The following PIEZO2 variants were observed in gnomAD, a reference collection of about 807,000 sequenced individuals.
PIEZO2 encodes the protein piezo type mechanosensitive ion channel component 2.
PIEZO2 carries 172 observed loss-of-function variants against 337.3 expected under a neutral mutation model. That is an observed-to-expected ratio of 0.51 (90% CI 0.45 to 0.58). The LOEUF is 0.58. Among genes scored for constraint, PIEZO2 ranks in the 20% least tolerant of loss-of-function variants. PIEZO2 has a pLI of 0.00. For missense variants in PIEZO2, 3,028 were observed against 3,391.3 expected (o/e 0.89, Z 2.66); for synonymous variants, 1,251 against 1,228.5 (o/e 1.02, Z -0.38).
intron 2 of PIEZO2, among the ~76,000 whole-genome samples, chr18:10,997,952 A>T (rs1231510363): frequency 1.3e-5 from 2 of 152,154 alleles, no homozygotes; most frequent in Non-Finnish European, 2.9e-5. Flanking sequence ...GCTCAAAGAA[A>T]CCACTCCCAG....
In PIEZO2 at chr18:10,707,297, T is replaced by C. The variant is rs1369203218; in HGVS notation, c.5588+978A>G. ...TGCTCCCTTTGGTTTGGATCTCTTGTAGCACCAAGGGGTGGAGGGTACCTT... is the reference window on the plus strand; with the variant it reads ...TGCTCCCTTTGGTTTGGATCTCTTGCAGCACCAAGGGGTGGAGGGTACCTT... On this transcript the variant is annotated intron_variant, in intron 40 of 55. Coordinates refer to ENST00000674853, the MANE Select transcript of PIEZO2 (RefSeq NM_001378183.1). This position sits in a 1 kb window ranked among gnomAD's most constrained non-coding sequence, Gnocchi z 4.2. Among the ~76,000 whole-genome samples the C allele has an allele frequency of 6.6e-6, 1 of 152,122 alleles. No individual in the cohort carries two copies. Among genetic ancestry groups the C allele is most frequent in the Non-Finnish European group, 1.5e-5 (1 of 68,026 alleles).
rs1157898543 is a variant in PIEZO2 at position 10,707,667 on chromosome 18, C to T, written c.5588+608G>A. On this transcript the variant is annotated intron_variant, in intron 40 of 55. Transcript: ENST00000674853. The surrounding 1 kb of genome is among the most constrained non-coding windows in gnomAD (Gnocchi z 4.2). Reference sequence around the variant, plus strand: ...TGTTTTAGGGTAGGATTTGGGAGAACTTAAGCCACAGTATATTTTCCCCAA... The same window carrying T: ...TGTTTTAGGGTAGGATTTGGGAGAATTTAAGCCACAGTATATTTTCCCCAA... 2.6e-5 allele frequency among the ~76,000 whole-genome samples: 4 copies of T among 152,188 alleles called. No individual in the cohort carries two copies. Among genetic ancestry groups the T allele is most frequent in the Non-Finnish European group, 5.9e-5 (4 of 68,032 alleles).
chr18:10,942,928 A>C lies in PIEZO2; in HGVS notation c.287-31700T>G, dbSNP rs1183239027. The stretch of plus-strand genomic sequence containing the variant: ...ACTCCAGCCATGGCTGAAAGGGGCC[A>C]ACACAGAGCTTGGGCTATGGCATCA... On this transcript the variant is annotated intron_variant, in intron 3 of 55. Transcript: ENST00000674853. This position sits in a 1 kb window ranked among gnomAD's most constrained non-coding sequence, Gnocchi z 4.4. Among the ~76,000 whole-genome samples, 3 of 152,194 alleles carry C rather than the reference A, an allele frequency of 2.0e-5. No individual in the cohort carries two copies. The highest frequency in any genetic ancestry group is 7.2e-5 in the African/African-American group (3 of 41,450).
chr18:11,119,291 G>A (rs1046905208), intron 1 of PIEZO2, among the ~76,000 whole-genome samples: 2 of 151,962 alleles, frequency 1.3e-5, no homozygotes, highest in African/African-American at 4.8e-5. Flanking sequence ...GGGACTACAG[G>A]CCCATGCCCA....
chr18:10,733,797 G>A (rs557890649), intron 35 of PIEZO2, among the ~76,000 whole-genome samples: 2 of 152,306 alleles, frequency 1.3e-5, no homozygotes, highest in East Asian at 3.9e-4. Flanking sequence ...CCAGCTGGAT[G>A]CGCCTCTCTG....
chr18:10,876,187 A>T (rs2042264149), intron 4 of PIEZO2, among the ~76,000 whole-genome samples: 2 of 152,252 alleles, frequency 1.3e-5, no homozygotes, highest in South Asian at 4.1e-4. Flanking sequence ...TCAGAAATGC[A>T]TTCCATTAAA....
chr18:10,967,011 G>GTTTTTTTTTTTT (rs1368023375), intron 3 of PIEZO2, among the ~76,000 whole-genome samples: 2 of 109,392 alleles, frequency 1.8e-5, no homozygotes. Flanking sequence ...CATTTTCTCT[G>GTTTTTTTTTTTT]TTTTTTGTTT....
chr18:10,971,660 C>T (rs112231662), intron 3 of PIEZO2, among the ~76,000 whole-genome samples: 8 of 152,150 alleles, frequency 5.3e-5, no homozygotes, highest in East Asian at 1.9e-4. Context: ...CAGTCACTTC[C>T]GGCCATTCAT....
At chr18:11,090,602 C>T (rs553611666) in intron 1 of PIEZO2, among the ~76,000 whole-genome samples, 39 of 152,268 alleles carry the variant, frequency 2.6e-4, no homozygotes, top group African/African-American at 8.9e-4. Flanking sequence ...AGTATAAATA[C>T]AAGGCAAAAA....
chr18:10,724,826 A>T lies in PIEZO2; in HGVS notation c.5030-6567T>A. ...GAGCAGCAGTCGTTCTCACAGATGC[A>T]CCTGGGCCACGGCGGCCACATGCGT... On this transcript the variant is annotated intron_variant, in intron 36 of 55. Transcript: ENST00000674853. This position sits in a 1 kb window ranked among gnomAD's most constrained non-coding sequence, Gnocchi z 5.8. 1 of 1,596,444 alleles carries T rather than the reference A, an allele frequency of 6.3e-7. No individual in the cohort carries two copies. The highest frequency in any genetic ancestry group is 1.1e-5 in the South Asian group (1 of 88,860).
rs554829885 is a variant in PIEZO2, at chr18:10,736,589, T to C, written c.4815+15A>G. 5 of 1,536,832 alleles carry C rather than the reference T, an allele frequency of 3.3e-6. No homozygotes were observed. The Admixed American group carries it at 9.8e-5, about 30-fold the overall frequency. On this transcript the variant is annotated intron_variant, in intron 34 of 55. Coordinates refer to ENST00000674853, the MANE Select transcript of PIEZO2 (RefSeq NM_001378183.1). ...CTCTTCCAACTAGCAAAGAAATGAT[T>C]TTCCCCATAATTACCTGGAATGCTG...
chr18:10,970,656 T>C (rs981644513), intron 3 of PIEZO2, among the ~76,000 whole-genome samples: 2 of 134,028 alleles, frequency 1.5e-5, no homozygotes, highest in East Asian at 4.2e-4. Flanking sequence ...ACAAAAAAGA[T>C]GTTTCACACA....
At chr18:11,037,947 C>T (rs1411238424) in intron 2 of PIEZO2, among the ~76,000 whole-genome samples, 1 of 152,194 alleles carries the variant, frequency 6.6e-6, no homozygotes, top group Non-Finnish European at 1.5e-5. Flanking sequence ...ATCAAAAACA[C>T]TTCTGGACCA....
intron 39 of PIEZO2, among the ~76,000 whole-genome samples, chr18:10,711,570 C>A (rs1229549349): frequency 6.6e-6 from 1 of 151,850 alleles, no homozygotes; most frequent in Non-Finnish European, 1.5e-5. Flanking sequence ...AAAGGCAATT[C>A]TATTCATTAC....
chr18:10,693,099 A>ATCATATTTATCCCTAAATATGATAGTTTT (rs2034922806), intron 47 of PIEZO2, among the ~76,000 whole-genome samples: 1 of 152,158 alleles, frequency 6.6e-6, no homozygotes, highest in Non-Finnish European at 1.5e-5. Flanking sequence ...TACATGTTTT[A>ATCATATTTATCCCTAAATATGATAGTTTT]TCATATTTAT....
intron 9 of PIEZO2, among the ~76,000 whole-genome samples, chr18:10,803,028 T>G (rs1191267843): frequency 6.6e-6 from 1 of 152,164 alleles, no homozygotes; most frequent in Non-Finnish European, 1.5e-5. Flanking sequence ...TGGACAGTCT[T>G]TGCTACTCGA....
intron 3 of PIEZO2, among the ~76,000 whole-genome samples, chr18:10,923,195 A>G (rs2031530544): frequency 6.6e-6 from 1 of 152,154 alleles, no homozygotes; most frequent in Admixed American, 6.5e-5. Flanking sequence ...GACTGTTACT[A>G]CACTCTGCTT....
Position 10,963,652 on chromosome 18 carries a change from G to A in PIEZO2, c.286+15883C>T, listed in dbSNP as rs149119449. 7.1e-3 allele frequency among the ~76,000 whole-genome samples: 1,082 copies of A among 152,214 alleles called. 4 individuals are homozygous for A. The highest frequency in any genetic ancestry group is 0.02 in the Middle Eastern group (6 of 294). ...AGACAAAGAGCACCTATAAATTAAGGTTAAACTGAGTCTTAAAACACATGG... is the reference window on the plus strand; with the variant it reads ...AGACAAAGAGCACCTATAAATTAAGATTAAACTGAGTCTTAAAACACATGG... On this transcript the variant is annotated intron_variant, in intron 3 of 55. Coordinates refer to ENST00000674853, the MANE Select transcript of PIEZO2 (RefSeq NM_001378183.1).
rs1599033543 is a variant in PIEZO2, at chr18:11,148,382, A to C, written c.64+143T>G. On this transcript the variant is annotated intron_variant, in intron 1 of 55. Transcript: ENST00000674853. This position sits in a 1 kb window ranked among gnomAD's most constrained non-coding sequence, Gnocchi z 5.2. ...GGGAAGTGAGAGAGCCAGGCTGTGC[A>C]CCAGGGACAGCGCGCGTCTGACGCC... 1 of 908,616 alleles carries C rather than the reference A, an allele frequency of 1.1e-6. No homozygotes were observed. The highest frequency in any genetic ancestry group is 1.7e-6 in the Non-Finnish European group (1 of 595,000). The allele number at this position is 908,616 out of a possible 1,614,324, so 56.3% of individuals were successfully genotyped here. A position where few individuals can be genotyped will look rare whatever the true frequency, so the allele number is the denominator to read the frequency against.
Sources: gnomAD v4.1 joint callset for allele counts (sites outside exome capture counted in the v4.1 genomes callset) on GRCh38, gnomAD v4.1.1 for gene constraint, Gnocchi (gnomAD v3.1) non-coding constraint, MANE v1.5 for transcripts, NCBI Gene and HGNC (gene_info 2026-07-23, HGNC 2026-07-21) for gene names.